The following CNTLN variants were observed in gnomAD, a reference collection of about 807,000 sequenced individuals.
CNTLN encodes centlein, also known as centlein, centrosomal protein.
CNTLN carries 212 observed loss-of-function variants against 180.0 expected under a neutral mutation model. That is an observed-to-expected ratio of 1.18 (90% CI 1.05 to 1.32). The LOEUF (loss-of-function observed/expected upper bound fraction) is 1.32. CNTLN is among the 40% of genes most tolerant of loss of function. The probability of loss-of-function intolerance (pLI) is 0.00; values close to 1 mark genes in which losing one functional copy is unlikely to be tolerated. For missense variants in CNTLN, 2,095 were observed against 1,610.9 expected, an observed-to-expected ratio of 1.30 and a Z score of -5.14; for synonymous variants, 722 against 563.1, an observed-to-expected ratio of 1.28 and a Z score of -3.99.
chr9:17,335,527 A>G (rs1027212342), intron 10 of CNTLN, among the ~76,000 whole-genome samples: 1 of 152,174 alleles, frequency 6.6e-6, no homozygotes, highest in Admixed American at 6.6e-5. Flanking sequence ...AAAATTATTT[A>G]TGTTTTTAAT....
At chr9:17,492,923 A>T (rs1374861133) in intron 25 of CNTLN, among the ~76,000 whole-genome samples, 1 of 152,214 alleles carries the variant, frequency 6.6e-6, no homozygotes, top group African/African-American at 2.4e-5. Context: ...TGAAGTACTG[A>T]AACATGCTAC....
At position 17,298,347 on chromosome 9, in the gene CNTLN, C is replaced by T; in HGVS notation, c.1141C>T (p.Gln381Ter). 1 of 1,607,374 alleles carries T rather than the reference C, an allele frequency of 6.2e-7. No homozygotes were observed. Among genetic ancestry groups the T allele is most frequent in the South Asian group, 1.1e-5 (1 of 89,528 alleles). The change falls in exon 7 of 26, where the codon CAA becomes TAA. Residue 381 changes from glutamine (Q) to a stop codon, truncating the protein, a stop_gained. Coordinates refer to ENST00000380647, the MANE Select transcript of CNTLN (RefSeq NM_017738.4). LOFTEE classifies it high-confidence loss of function. ...DVHTAESISY[Q>*]KLYNELHICF... ...TCACACAGCTGAAAGTATATCATAT[C>T]AAAAAGTATGCTTTTATTCTGTAAT... is the stretch of plus-strand genomic sequence containing the variant.
chr9:17,470,866 GT>G (rs1832012623), intron 23 of CNTLN, among the ~76,000 whole-genome samples: 1 of 152,032 alleles, frequency 6.6e-6, no homozygotes, highest in Non-Finnish European at 1.5e-5. Flanking sequence ...GTAAGATTTA[GT>G]AAGATGCTTT....
intron 6 of CNTLN, among the ~76,000 whole-genome samples, chr9:17,297,271 A>G (rs969851493): frequency 6.6e-6 from 1 of 152,218 alleles, no homozygotes. Context: ...TGCATAGATT[A>G]TATTCAAAAC....
At chr9:17,221,688 C>T (rs1407567073) in intron 2 of CNTLN, among the ~76,000 whole-genome samples, 1 of 151,946 alleles carries the variant, frequency 6.6e-6, no homozygotes, top group Non-Finnish European at 1.5e-5. Flanking sequence ...TTTAAGTGGC[C>T]CTCAGTACTG....
At chr9:17,365,120 G>T (rs923038418) in intron 12 of CNTLN, among the ~76,000 whole-genome samples, 2 of 152,106 alleles carry the variant, frequency 1.3e-5, no homozygotes, top group Non-Finnish European at 2.9e-5. Flanking sequence ...ATTTCATGTC[G>T]CATTGTAATC....
chr9:17,293,846 C>A (rs1023320950), intron 6 of CNTLN, among the ~76,000 whole-genome samples: 1 of 152,078 alleles, frequency 6.6e-6, no homozygotes, highest in African/African-American at 2.4e-5. Context: ...CACTTGGGAC[C>A]CAAGGCCCTG....
At chr9:17,487,190 T>A in intron 25 of CNTLN, 124 bp downstream of exon 25, 1 of 702,684 alleles carries the variant, frequency 1.4e-6, no homozygotes, top group Non-Finnish European at 2.5e-6. Flanking sequence ...GGTAAAGAAG[T>A]ATTCCAATAG....
intron 6 of CNTLN, among the ~76,000 whole-genome samples, chr9:17,294,897 AGTGGGGG>A (rs1270863912): frequency 3.8e-4 from 3 of 7,948 alleles, no homozygotes; most frequent in Non-Finnish European, 2.5e-4. Context: ...GGGAGTGGGG[AGTGGGGG>A]GAGGGCGGGG....
intron 2 of CNTLN, among the ~76,000 whole-genome samples, chr9:17,196,424 T>G (rs1353181081): frequency 6.6e-6 from 1 of 152,142 alleles, no homozygotes; most frequent in Non-Finnish European, 1.5e-5. Context: ...TTTTAAAGAA[T>G]TATGGAATAT....
chr9:17,464,427 T>G, intron 20 of CNTLN, 70 bp from the exon 21 acceptor site: 1 of 1,343,640 alleles, frequency 7.4e-7, no homozygotes, highest in Non-Finnish European at 1.0e-6. Flanking sequence ...TAATATTGGA[T>G]AAAATGTAAG....
intron 18 of CNTLN, among the ~76,000 whole-genome samples, chr9:17,431,035 A>G (rs976444211): frequency 6.6e-6 from 1 of 152,122 alleles, no homozygotes; most frequent in South Asian, 2.1e-4. Context: ...TATTTTTGAC[A>G]TACTGATTTC....
chr9:17,511,960 G>A, the CNTLN span, among the ~76,000 whole-genome samples: 1 of 152,052 alleles, frequency 6.6e-6, no homozygotes, highest in Non-Finnish European at 1.5e-5. Flanking sequence ...ACCACCATAG[G>A]ATATACATAA....
intron 8 of CNTLN, among the ~76,000 whole-genome samples, chr9:17,309,570 T>A (rs1406109914): frequency 8.6e-6 from 1 of 115,990 alleles, no homozygotes; most frequent in Non-Finnish European, 1.9e-5. Context: ...CTGAATGAGC[T>A]AATGGAATAG....
chr9:17,465,924 CAGTATAT>C (rs1831718237), intron 21 of CNTLN, 50 bp from the exon 22 acceptor site: 1 of 1,371,358 alleles, frequency 7.3e-7, no homozygotes, highest in African/African-American at 1.5e-5. Context: ...GGAACAAACA[CAGTATAT>C]TACTAGAATG....
intron 12 of CNTLN, among the ~76,000 whole-genome samples, chr9:17,364,819 G>A (rs554401750): frequency 1.3e-5 from 2 of 152,116 alleles, no homozygotes; most frequent in South Asian, 4.2e-4. Context: ...TCCAGTTTTT[G>A]TATTATTTTT....
chr9:17,514,224 CG>C, the CNTLN span, among the ~76,000 whole-genome samples: 1 of 151,414 alleles, frequency 6.6e-6, no homozygotes, highest in Non-Finnish European at 1.5e-5. Context: ...ATGGGAGGAT[CG>C]CTTGAGTCTG....
At chr9:17,416,796 A>AT (rs1268722214) in intron 18 of CNTLN, among the ~76,000 whole-genome samples, 1 of 152,082 alleles carries the variant, frequency 6.6e-6, no homozygotes, top group Non-Finnish European at 1.5e-5. Flanking sequence ...AAAAGAAAAG[A>AT]TTTTTTGTTC....
chr9:17,277,248 G>T (rs1242537325), intron 6 of CNTLN, among the ~76,000 whole-genome samples: 1 of 75,682 alleles, frequency 1.3e-5, no homozygotes, highest in Non-Finnish European at 2.8e-5. Flanking sequence ...TGGTATCTGT[G>T]GGGGATTGGT....
Sources: gnomAD v4.1 joint callset for allele counts (sites outside exome capture counted in the v4.1 genomes callset) on GRCh38, gnomAD v4.1.1 for gene constraint, MANE v1.5 for transcripts, NCBI Gene and HGNC (gene_info 2026-07-23, HGNC 2026-07-21) for gene names.